NOL4: variants seen among roughly 807,000 people sequenced by gnomAD.
NOL4 encodes cancer/testis antigen 125.
A neutral mutation model predicts 75.9 loss-of-function variants in NOL4; 17 were observed. That is an observed-to-expected ratio of 0.22 (90% CI 0.15 to 0.34). The LOEUF (loss-of-function observed/expected upper bound fraction) is 0.34, where lower values mean the gene tolerates loss of function less well. Ranked by LOEUF, NOL4 falls within the 10% of genes least tolerant of loss-of-function variation. The probability of loss-of-function intolerance (pLI) is 1.00; values close to 1 mark genes in which losing one functional copy is unlikely to be tolerated. For synonymous variants in NOL4, 292 were observed against 289.9 expected (o/e 1.01, Z -0.07); for missense variants, 614 against 793.5 (o/e 0.77, Z 2.72).
intron 1 of NOL4, among the ~76,000 whole-genome samples, chr18:34,154,651 TG>T (rs1176776188): frequency 6.6e-6 from 1 of 151,998 alleles, no homozygotes; most frequent in African/African-American, 2.4e-5. Context: ...GTTTCATTCG[TG>T]TTTTTTTTGT....
chr18:34,079,436 G>T (rs1025900682), intron 5 of NOL4, among the ~76,000 whole-genome samples: 9 of 151,798 alleles, frequency 5.9e-5, no homozygotes, highest in Admixed American at 2.6e-4. Flanking sequence ...GTGTATCTGT[G>T]AGATTTTCCT....
At chr18:34,157,699 A>G (rs1406311638) in intron 1 of NOL4, among the ~76,000 whole-genome samples, 1 of 152,162 alleles carries the variant, frequency 6.6e-6, no homozygotes, top group East Asian at 1.9e-4. Flanking sequence ...ACCTTCAAAT[A>G]GGTCAGAGAG....
chr18:33,961,333 G>T (rs1306484728), intron 6 of NOL4, among the ~76,000 whole-genome samples: 1 of 151,904 alleles, frequency 6.6e-6, no homozygotes, highest in Non-Finnish European at 1.5e-5. Flanking sequence ...GTGAGGGGAG[G>T]GCCTAAGGGC....
At chr18:33,932,668 A>G (rs2067778691) in intron 9 of NOL4, among the ~76,000 whole-genome samples, 1 of 152,118 alleles carries the variant, frequency 6.6e-6, no homozygotes, top group South Asian at 2.1e-4. Flanking sequence ...CCTAATTATA[A>G]AAAATCCTAT....
chr18:33,880,388 T>C (rs1305763191), intron 10 of NOL4, among the ~76,000 whole-genome samples: 3 of 151,858 alleles, frequency 2.0e-5, no homozygotes, highest in South Asian at 2.1e-4. Context: ...AAAGTTTTTC[T>C]TACCACCCAA....
intron 6 of NOL4, among the ~76,000 whole-genome samples, chr18:34,004,261 G>A (rs1306554441): frequency 1.3e-5 from 2 of 151,952 alleles, no homozygotes; most frequent in African/African-American, 2.4e-5. Flanking sequence ...TCCTAAAAAC[G>A]TATAAAACTA....
chr18:33,959,956 T>TGC (rs989242389), intron 6 of NOL4, among the ~76,000 whole-genome samples: 11 of 152,076 alleles, frequency 7.2e-5, no homozygotes, highest in African/African-American at 1.7e-4. Context: ...TGTGTGTGTG[T>TGC]GCGTGTATGC....
At chr18:34,021,822 A>C (rs1463074662) in intron 5 of NOL4, among the ~76,000 whole-genome samples, 9 of 152,116 alleles carry the variant, frequency 5.9e-5, no homozygotes, top group Admixed American at 5.9e-4. Context: ...TGTAGTAAAA[A>C]ATTAAAAAAC....
At chr18:34,166,708 T>C (rs1169626198) in intron 1 of NOL4, among the ~76,000 whole-genome samples, 1 of 151,822 alleles carries the variant, frequency 6.6e-6, no homozygotes, top group African/African-American at 2.4e-5. Flanking sequence ...CAACCAACCA[T>C]GGATGAATAA....
chr18:34,140,330 C>A (rs951708626), intron 1 of NOL4, among the ~76,000 whole-genome samples: 2 of 152,154 alleles, frequency 1.3e-5, no homozygotes, highest in African/African-American at 4.8e-5. Context: ...CTTTGTATGT[C>A]TCTAAGGACT....
intron 6 of NOL4, among the ~76,000 whole-genome samples, chr18:33,971,273 A>G (rs1320984760): frequency 2.0e-5 from 3 of 152,192 alleles, no homozygotes; most frequent in Non-Finnish European, 4.4e-5. Flanking sequence ...TGGTTGAAAT[A>G]TTTCTGGAAG....
At chr18:34,014,163 T>C (rs2074546749) in intron 6 of NOL4, among the ~76,000 whole-genome samples, 1 of 151,970 alleles carries the variant, frequency 6.6e-6, no homozygotes, top group Admixed American at 6.6e-5. Context: ...TTAATGTTAG[T>C]TACCATTAAT....
chr18:34,039,284 G>A (rs1489372263), intron 5 of NOL4, among the ~76,000 whole-genome samples: 3 of 151,894 alleles, frequency 2.0e-5, no homozygotes, highest in Non-Finnish European at 4.4e-5. Context: ...TAGCATAATA[G>A]AATGAGACAC....
At chr18:34,146,093 T>C (rs1379523300) in intron 1 of NOL4, among the ~76,000 whole-genome samples, 3 of 152,100 alleles carry the variant, frequency 2.0e-5, no homozygotes, top group East Asian at 3.9e-4. Flanking sequence ...CTTTACTTGT[T>C]GGATATTGTC....
chr18:34,135,697 C>CAAAAAAAA (rs371169726), intron 1 of NOL4, among the ~76,000 whole-genome samples: 11,844 of 57,358 alleles, frequency 0.21, 3,306 homozygotes, highest in Middle Eastern at 0.29. Context: ...GACTCCATCT[C>CAAAAAAAA]AAAAAAAAAA....
chr18:34,055,584 T>C (rs993226991), intron 5 of NOL4, among the ~76,000 whole-genome samples: 10 of 152,186 alleles, frequency 6.6e-5, no homozygotes, highest in Admixed American at 2.0e-4. Flanking sequence ...GTGGAGTCTC[T>C]ATGGATTCGT....
intron 9 of NOL4, among the ~76,000 whole-genome samples, chr18:33,916,671 T>A (rs1158249003): frequency 6.6e-6 from 1 of 152,238 alleles, no homozygotes; most frequent in Non-Finnish European, 1.5e-5. Flanking sequence ...AAAAATGTAC[T>A]ATTTTCATAT....
intron 9 of NOL4, among the ~76,000 whole-genome samples, chr18:33,939,850 G>A (rs563593600): frequency 1.2e-4 from 18 of 151,994 alleles, no homozygotes; most frequent in African/African-American, 4.1e-4. Context: ...GTCTTGTGCT[G>A]GTTTTCAAAA....
chr18:34,198,818 C>T (rs1367021080), intron 1 of NOL4, among the ~76,000 whole-genome samples: 1 of 151,884 alleles, frequency 6.6e-6, no homozygotes, highest in East Asian at 1.9e-4. Flanking sequence ...CATTGTAATT[C>T]TGTCAAATGT....
Sources: gnomAD v4.1 joint callset for allele counts (sites outside exome capture counted in the v4.1 genomes callset) on GRCh38, gnomAD v4.1.1 for gene constraint, MANE v1.5 for transcripts, NCBI Gene and HGNC (gene_info 2026-07-23, HGNC 2026-07-21) for gene names.